The following SLC9A3 variants were observed in gnomAD, a reference collection of about 807,000 sequenced individuals.
SLC9A3 encodes the protein solute carrier family 9 member A3, also known as sodium/hydrogen exchanger 3.
SLC9A3 carries 37 observed loss-of-function variants against 86.8 expected under a neutral mutation model. That is an observed-to-expected ratio of 0.43 (90% confidence interval 0.33 to 0.56). SLC9A3 has a LOEUF of 0.56. SLC9A3 is among the 20% of genes least tolerant of loss of function. SLC9A3 has a pLI of 0.06. For synonymous variants in SLC9A3, 581 were observed against 528.3 expected (o/e 1.10, Z -1.37); for missense variants, 1,011 against 1,171.9 (o/e 0.86, Z 2.00).
intron 3 of SLC9A3, among the ~76,000 whole-genome samples, chr5:487,825 C>T (rs976388491): frequency 5.9e-5 from 9 of 152,012 alleles, no homozygotes; most frequent in Non-Finnish European, 1.0e-4. Context: ...GTGCCACCAC[C>T]CCTGGCTAAT....
intron 1 of SLC9A3, among the ~76,000 whole-genome samples, chr5:501,924 G>A (rs1240505965): frequency 1.3e-5 from 2 of 152,352 alleles, no homozygotes; most frequent in East Asian, 3.9e-4. Flanking sequence ...GGCCACGCAG[G>A]AAGCCCCTCT....
At chr5:475,435 C>T (rs1738660701) in intron 15 of SLC9A3, 126 bp downstream of exon 15, 2 of 654,142 alleles carry the variant, frequency 3.1e-6, no homozygotes, top group African/African-American at 3.6e-5. Context: ...CAAGCAGGGC[C>T]CTTGAGAACC....
intron 15 of SLC9A3, 33 bp from the exon 16 acceptor site, chr5:475,165 G>A (rs1215775843): frequency 6.5e-7 from 1 of 1,540,582 alleles, no homozygotes; most frequent in African/African-American, 1.4e-5. Flanking sequence ...GTCAGCCTTC[G>A]GAGAGCCCCA....
chr5:485,023 C>A, intron 4 of SLC9A3, 130 bp downstream of exon 4: 1 of 734,488 alleles, frequency 1.4e-6, no homozygotes, highest in South Asian at 1.5e-5. Flanking sequence ...GGGGACGTGA[C>A]GTGGACAGAA....
intron 3 of SLC9A3, among the ~76,000 whole-genome samples, chr5:485,871 G>C (rs1413004540): frequency 6.6e-6 from 1 of 152,188 alleles, no homozygotes; most frequent in Non-Finnish European, 1.5e-5. Flanking sequence ...GGCCCATGAG[G>C]GTCCCGGGGT....
chr5:507,183 T>TTTTTTTTTTTTTTGTTTG (rs1320617129), intron 1 of SLC9A3, among the ~76,000 whole-genome samples: 1 of 88,978 alleles, frequency 1.1e-5, no homozygotes, highest in African/African-American at 5.4e-5. Flanking sequence ...TTTTTTTTTT[T>TTTTTTTTTTTTTTGTTTG]TTTGAGACGG....
At position 476,648 on chromosome 5, in the gene SLC9A3, G is replaced by C; in HGVS notation, c.1785C>G (p.Cys595Trp). The part of the protein sequence containing the change: ...YLLRENVSAV[C>W]LDMQSLEQRR... ...GCTGCTCCAGAGACTGCATGTCCAG[G>C]CAGACAGCGCTGACATTTTCTCTCC... Residue 595 changes from cysteine to tryptophan, a missense_variant, in exon 12 of 17, where the codon TGC (cysteine) becomes TGG (tryptophan). This residue lies in a region of SLC9A3 where 397 missense variants were observed against 346.3 expected (regional missense o/e 1.15). Transcript: ENST00000264938. 1 of 1,606,870 alleles carries C rather than the reference G, an allele frequency of 6.2e-7. No individual in the cohort carries two copies. Among genetic ancestry groups the C allele is most frequent in the East Asian group, 2.2e-5 (1 of 44,870 alleles).
In SLC9A3 at chr5:472,932, C is replaced by T. The variant is rs1003850179; in HGVS notation, c.*447G>A. The T allele has an allele frequency of 9.3e-6, 5 of 540,094 alleles. No individual in the cohort carries two copies. The Admixed American group carries it at 1.3e-4, about 14-fold the overall frequency. 33.5% of individuals were successfully genotyped at this position (540,094 alleles called of 1,614,324 possible). A position where few individuals can be genotyped will look rare whatever the true frequency, so the allele number is the denominator to read the frequency against. On this transcript the variant is annotated 3_prime_UTR_variant, in exon 17 of 17. Coordinates refer to ENST00000264938, the MANE Select transcript of SLC9A3 (RefSeq NM_004174.4). ...GGTGGGAAAGGGCGCGAGCGGCCAG[C>T]CATGGCGCGCGGACCCTTCCCGCCG... is the stretch of plus-strand genomic sequence containing the variant.
chr5:503,830 T>C (rs765840487), intron 1 of SLC9A3, among the ~76,000 whole-genome samples: 2 of 152,254 alleles, frequency 1.3e-5, no homozygotes, highest in Non-Finnish European at 2.9e-5. Context: ...GCGTGTCTGC[T>C]GGAAATCTCA....
intron 1 of SLC9A3, among the ~76,000 whole-genome samples, chr5:495,095 G>T (rs1446330640): frequency 1.1e-5 from 1 of 91,822 alleles, no homozygotes; most frequent in Non-Finnish European, 3.0e-5. Flanking sequence ...GTCCCCAGGT[G>T]GGGGGGCGCC....
intron 1 of SLC9A3, among the ~76,000 whole-genome samples, chr5:501,152 C>T (rs184513514): frequency 5.9e-5 from 9 of 152,296 alleles, no homozygotes; most frequent in East Asian, 3.9e-4. Context: ...GAAGGGCCGG[C>T]GCTGGCAAAC....
intron 1 of SLC9A3, among the ~76,000 whole-genome samples, chr5:505,246 G>C (rs186681303): frequency 2.6e-3 from 10 of 3,794 alleles, no homozygotes; most frequent in African/African-American, 0.018. Flanking sequence ...GACCATGGGG[G>C]GGGGAGAGTG....
In SLC9A3 at chr5:473,134, C is replaced by A; in HGVS notation, c.*245G>T. The A allele has an allele frequency of 3.8e-6, 1 of 260,800 alleles. No homozygotes were observed. Among genetic ancestry groups the A allele is most frequent in the South Asian group, 1.4e-4 (1 of 7,190 alleles). 16.2% of individuals were successfully genotyped at this position (260,800 alleles called of 1,614,324 possible). ...GAACGCGCGTGCGCACTCGGCAGCC[C>A]TCGGCGCTCCGGCCCCGCCCCCGGC... On this transcript the variant is annotated 3_prime_UTR_variant, in exon 17 of 17. Transcript: ENST00000264938.
chr5:505,806 TG>T (rs1251652477), intron 1 of SLC9A3, among the ~76,000 whole-genome samples: 1 of 13,578 alleles, frequency 7.4e-5, no homozygotes, highest in Admixed American at 9.8e-4. Context: ...AGTGACCATG[TG>T]GGGGGAGAGT....
At chr5:488,976 G>A (rs540565985) in intron 2 of SLC9A3, among the ~76,000 whole-genome samples, 2 of 152,266 alleles carry the variant, frequency 1.3e-5, no homozygotes, top group South Asian at 2.1e-4. Flanking sequence ...AAGGGGGCCC[G>A]GAAGACGTGG....
rs1738490487 is a variant in SLC9A3, at chr5:473,201, C to T, written c.*178G>A. ...GCTCGCCCTCGGGCGGCTCTGCGGG[C>T]GCAGGCGCGGCACTCTCGGAGTTCT... On this transcript the variant is annotated 3_prime_UTR_variant, in exon 17 of 17. Transcript: ENST00000264938. 1 of 651,466 alleles carries T rather than the reference C, an allele frequency of 1.5e-6. No individual in the cohort carries two copies. The highest frequency in any genetic ancestry group is 2.2e-6 in the Non-Finnish European group (1 of 464,996). The allele number at this position is 651,466 out of a possible 1,614,324, so 40.4% of individuals were successfully genotyped here. A position where few individuals can be genotyped will look rare whatever the true frequency, so the allele number is the denominator to read the frequency against.
At chr5:513,747 T>G (rs1378572145) in intron 1 of SLC9A3, among the ~76,000 whole-genome samples, 3 of 152,190 alleles carry the variant, frequency 2.0e-5, no homozygotes, top group Admixed American at 2.0e-4. Context: ...CTTCTCCCCC[T>G]GTGATGGTAC....
Position 482,135 on chromosome 5 carries a change from A to C in SLC9A3, c.1379T>G (p.Val460Gly), listed in dbSNP as rs1468648192. ...IFQGLTIKPL[V>G]QWLKVKRSEH... ...GCTCCTCTTCACCTTCAGCCACTGC[A>C]CCAGAGGCTTGATGGTCAGGCCCTG... Residue 460 changes from valine to glycine, a missense_variant, in exon 8 of 17, where the codon GTG becomes GGG. Coordinates refer to ENST00000264938, the MANE Select transcript of SLC9A3 (RefSeq NM_004174.4). 6.2e-7 allele frequency: 1 copy of C among 1,608,458 alleles called. No individual in the cohort carries two copies. Among genetic ancestry groups the C allele is most frequent in the Non-Finnish European group, 8.5e-7 (1 of 1,178,454 alleles).
intron 9 of SLC9A3, 38 bp from the exon 10 acceptor site, chr5:480,003 A>C: frequency 6.3e-7 from 1 of 1,599,292 alleles, no homozygotes; most frequent in Non-Finnish European, 8.6e-7. Context: ...CTCAGGTGAC[A>C]GGCGCCCTAG....
Sources: allele counts gnomAD v4.1 joint callset (sites outside exome capture counted in the v4.1 genomes callset), GRCh38; gene constraint gnomAD v4.1.1; regional missense constraint gnomAD v4.1.1; transcripts MANE v1.5; gene names NCBI Gene and HGNC (gene_info 2026-07-23, HGNC 2026-07-21).